Variants in ZNF618 observed in about 807,000 individuals in gnomAD.
ZNF618 encodes the protein neural precursor cell expressed, developmentally down-regulated 10.
ZNF618 carries 34 observed loss-of-function variants against 103.0 expected under a neutral mutation model. The observed-to-expected ratio is 0.33, with a 90% CI of 0.25 to 0.44. ZNF618 has a LOEUF of 0.44. Among genes scored for constraint, ZNF618 ranks in the 20% least tolerant of loss-of-function variants. The probability of loss-of-function intolerance (pLI) is 1.00; values close to 1 mark genes in which losing one functional copy is unlikely to be tolerated. For synonymous variants in ZNF618, 551 were observed against 542.2 expected (o/e 1.02, Z -0.23); for missense variants, 1,059 against 1,295.4 (o/e 0.82, Z 2.80).
intron 2 of ZNF618, among the ~76,000 whole-genome samples, chr9:113,986,369 A>G (rs967716708): frequency 2.6e-5 from 4 of 152,210 alleles, no homozygotes; most frequent in Admixed American, 6.5e-5. Context: ...GGCCTCCTGT[A>G]TGAGTCATCT....
At chr9:114,046,529 C>T (rs143116807) in intron 13 of ZNF618, among the ~76,000 whole-genome samples, 481 of 152,254 alleles carry the variant, frequency 3.2e-3, no homozygotes, top group Admixed American at 5.9e-3. Context: ...CTCCTAACAA[C>T]ACATTTCTCA....
chr9:113,909,729 T>G (rs1831332915), intron 1 of ZNF618, among the ~76,000 whole-genome samples: 1 of 152,000 alleles, frequency 6.6e-6, no homozygotes. Flanking sequence ...GGTGCTTGCA[T>G]GCGGATGCTC....
rs543010598 is a variant in ZNF618 at position 114,054,221 on chromosome 9, A to T, written c.*4054A>T. On this transcript the variant is annotated 3_prime_UTR_variant, in exon 15 of 15. Coordinates refer to ENST00000374126, the MANE Select transcript of ZNF618 (RefSeq NM_001318042.2). ...CCCTGGACTTGAGCTGGACTCCTTGAAGAGTGGGCTTCTGGAGAGATGTTA... is the reference window on the plus strand; with the variant it reads ...CCCTGGACTTGAGCTGGACTCCTTGTAGAGTGGGCTTCTGGAGAGATGTTA... 3.9e-5 allele frequency: 6 copies of T among 152,700 alleles called. No individual in the cohort carries two copies. Among genetic ancestry groups the T allele is most frequent in the African/African-American group, 9.6e-5 (4 of 41,594 alleles). 9.5% of individuals were successfully genotyped at this position (152,700 alleles called of 1,614,324 possible). A position where few individuals can be genotyped will look rare whatever the true frequency, so the allele number is the denominator to read the frequency against.
chr9:113,969,344 G>A (rs560463644), intron 2 of ZNF618, among the ~76,000 whole-genome samples, 184 bp downstream of exon 2: 19 of 152,298 alleles, frequency 1.2e-4, no homozygotes, highest in African/African-American at 3.9e-4. Context: ...TTTTCCATGT[G>A]GCTACCTGTG....
intron 1 of ZNF618, among the ~76,000 whole-genome samples, chr9:113,958,559 G>A (rs1440039685): frequency 6.6e-6 from 1 of 152,226 alleles, no homozygotes; most frequent in Admixed American, 6.5e-5. Context: ...CAATGGCTCT[G>A]TGAGGTGGGC....
intron 1 of ZNF618, among the ~76,000 whole-genome samples, chr9:113,962,552 C>T (rs1018783454): frequency 2.0e-5 from 3 of 152,256 alleles, no homozygotes; most frequent in African/African-American, 4.8e-5. Flanking sequence ...CTCTCCTCCT[C>T]TTGTCCTCAT....
chr9:113,932,149 G>T (rs936192473), intron 1 of ZNF618, among the ~76,000 whole-genome samples: 1 of 152,244 alleles, frequency 6.6e-6, no homozygotes, highest in Non-Finnish European at 1.5e-5. Context: ...ACAGGGGCAG[G>T]TAATGGAGTG....
intron 1 of ZNF618, among the ~76,000 whole-genome samples, chr9:113,890,087 C>G (rs1241294697): frequency 6.6e-6 from 1 of 152,212 alleles, no homozygotes; most frequent in Non-Finnish European, 1.5e-5. Context: ...TACCCTGTCT[C>G]TGCATAGGAT....
chr9:113,895,870 TCCTTTCTTC>T (rs1829993836), intron 1 of ZNF618, among the ~76,000 whole-genome samples: 1 of 152,174 alleles, frequency 6.6e-6, no homozygotes, highest in Non-Finnish European at 1.5e-5. Context: ...TCTACTGTAA[TCCTTTCTTC>T]AATAACATTT....
At chr9:113,878,942 T>A (rs1828224879) in intron 1 of ZNF618, among the ~76,000 whole-genome samples, 2 of 152,194 alleles carry the variant, frequency 1.3e-5, no homozygotes, top group Non-Finnish European at 1.5e-5. Flanking sequence ...TGGGAGATTT[T>A]ATTTTTTTAG....
intron 1 of ZNF618, among the ~76,000 whole-genome samples, chr9:113,942,459 T>C (rs1834642222): frequency 1.3e-5 from 2 of 152,108 alleles, no homozygotes; most frequent in Non-Finnish European, 2.9e-5. Context: ...CCTGAGTCTG[T>C]TTTGATATGG....
intron 1 of ZNF618, among the ~76,000 whole-genome samples, chr9:113,939,810 C>T (rs756596811): frequency 2.7e-4 from 41 of 152,032 alleles, no homozygotes; most frequent in Non-Finnish European, 5.3e-4. Context: ...GTAGTCATAG[C>T]CACTTTTTCA....
At chr9:114,033,317 CA>C (rs1325135496) in intron 12 of ZNF618, among the ~76,000 whole-genome samples, 4 of 151,728 alleles carry the variant, frequency 2.6e-5, no homozygotes, top group Non-Finnish European at 1.5e-5. Flanking sequence ...ACCCAGGAGG[CA>C]GAGGTTGGAA....
chr9:113,886,226 A>G (rs1009770657), intron 1 of ZNF618, among the ~76,000 whole-genome samples: 11 of 152,334 alleles, frequency 7.2e-5, no homozygotes, highest in Middle Eastern at 3.4e-3. Context: ...TTACTGTCCA[A>G]GACAGCATAT....
chr9:113,905,179 G>A (rs1830881035), intron 1 of ZNF618, among the ~76,000 whole-genome samples: 1 of 151,896 alleles, frequency 6.6e-6, no homozygotes, highest in Non-Finnish European at 1.5e-5. Flanking sequence ...AGCGATTCTT[G>A]TGCCTCAGCC....
intron 7 of ZNF618, 86 bp downstream of exon 7, chr9:114,007,525 C>G: frequency 7.6e-7 from 1 of 1,313,736 alleles, no homozygotes; most frequent in Non-Finnish European, 1.1e-6. Flanking sequence ...CCGCCTCCCT[C>G]CTCCCTCTTA....
intron 1 of ZNF618, among the ~76,000 whole-genome samples, chr9:113,934,154 C>T (rs1833843632): frequency 6.6e-6 from 1 of 152,022 alleles, no homozygotes; most frequent in Non-Finnish European, 1.5e-5. Context: ...AGTCAGTGAG[C>T]CAGGGGCCCA....
At chr9:114,020,162 T>A (rs577516859) in intron 10 of ZNF618, among the ~76,000 whole-genome samples, 1 of 152,324 alleles carries the variant, frequency 6.6e-6, no homozygotes, top group African/African-American at 2.4e-5. Context: ...GTAAGTATTT[T>A]TCTCTTCCGT....
At chr9:114,039,609 G>A (rs1056925919) in intron 13 of ZNF618, among the ~76,000 whole-genome samples, 10 of 151,892 alleles carry the variant, frequency 6.6e-5, no homozygotes, top group Non-Finnish European at 1.0e-4. Context: ...CCTCAGCCCC[G>A]CAAAGTGCTG....
Sources: gnomAD v4.1 joint callset for allele counts (sites outside exome capture counted in the v4.1 genomes callset) on GRCh38, gnomAD v4.1.1 for gene constraint, MANE v1.5 for transcripts, NCBI Gene and HGNC (gene_info 2026-07-23, HGNC 2026-07-21) for gene names.